The following MIPOL1 variants were observed in gnomAD, a reference collection of about 807,000 sequenced individuals.
MIPOL1 encodes mirror-image polydactyly gene 1 protein.
In MIPOL1, 57 loss-of-function variants were observed where a neutral mutation model predicts 60.9. The observed-to-expected ratio is 0.94, with a 90% CI of 0.76 to 1.17. MIPOL1 has a LOEUF of 1.17. Among genes scored for constraint, MIPOL1 ranks in the 50% most tolerant of loss-of-function variants. The pLI is 0.00. For missense variants in MIPOL1, 551 were observed against 511.6 expected (o/e 1.08, Z -0.74); for synonymous variants, 179 against 168.8 (o/e 1.06, Z -0.47).
At position 37,462,617 on chromosome 14, in the gene MIPOL1, C is replaced by G. The variant is rs146403404; in HGVS notation, c.1032-37291C>G. On this transcript the variant is annotated intron_variant, in intron 11 of 12. Transcript: ENST00000684589. ...GAAACTGAATGCCTTTAACAGCACC[C>G]AAGTCACCTCTGGAATGCTTTGCTG... 9.4e-3 allele frequency among the ~76,000 whole-genome samples: 1,436 copies of G among 152,268 alleles called. 18 individuals carry two copies. The highest frequency in any genetic ancestry group is 0.012 in the Non-Finnish European group (829 of 68,028).
At chr14:37,285,846 C>T (rs1024468654) in intron 7 of MIPOL1, among the ~76,000 whole-genome samples, 1 of 152,068 alleles carries the variant, frequency 6.6e-6, no homozygotes, top group African/African-American at 2.4e-5. Flanking sequence ...CCCACCTTAG[C>T]CTCCCTCAGT....
chr14:37,239,235 C>T (rs1192860296), intron 1 of MIPOL1, among the ~76,000 whole-genome samples: 2 of 151,580 alleles, frequency 1.3e-5, no homozygotes, highest in African/African-American at 4.8e-5. Context: ...TTAGTAGAGA[C>T]GGAGTTTCAC....
intron 11 of MIPOL1, among the ~76,000 whole-genome samples, chr14:37,499,137 A>T (rs2095176372): frequency 6.6e-6 from 1 of 152,106 alleles, no homozygotes; most frequent in Non-Finnish European, 1.5e-5. Flanking sequence ...GTCTTTATTT[A>T]ATTGAGTGAG....
intron 12 of MIPOL1, chr14:37,506,710 C>G (rs1440977131): frequency 6.6e-6 from 1 of 152,100 alleles, no homozygotes; most frequent in Non-Finnish European, 1.5e-5. Context: ...GACTAAAACA[C>G]CAAAAGCAAT....
chr14:37,368,244 T>C lies in MIPOL1; in HGVS notation c.829-1273T>C, dbSNP rs560958090. 2.0e-5 allele frequency among the ~76,000 whole-genome samples: 3 copies of C among 152,220 alleles called. No homozygotes were observed. In the South Asian group the frequency reaches 6.2e-4, roughly 32 times the overall value. Reference sequence around the variant, plus strand: ...GTGTGTTTTGATTTTATAATTGTATTATATATGTATGAAGTGTGTATACTC... The same window carrying C: ...GTGTGTTTTGATTTTATAATTGTATCATATATGTATGAAGTGTGTATACTC... On this transcript the variant is annotated intron_variant, in intron 9 of 12. Coordinates refer to ENST00000684589, the MANE Select transcript of MIPOL1 (RefSeq NM_001388067.1).
intron 9 of MIPOL1, among the ~76,000 whole-genome samples, chr14:37,310,783 GC>G (rs1286291876): frequency 6.6e-6 from 1 of 152,078 alleles, no homozygotes; most frequent in Non-Finnish European, 1.5e-5. Flanking sequence ...ATTTGCAAGG[GC>G]CCGACTCCTG....
intron 9 of MIPOL1, among the ~76,000 whole-genome samples, chr14:37,321,302 T>A (rs532974355): frequency 6.6e-6 from 1 of 152,172 alleles, no homozygotes; most frequent in South Asian, 2.1e-4. Flanking sequence ...TTATTATATA[T>A]GTTGAAATAT....
At chr14:37,378,682 A>T (rs145266219) in intron 10 of MIPOL1, among the ~76,000 whole-genome samples, 1 of 151,544 alleles carries the variant, frequency 6.6e-6, no homozygotes, top group Admixed American at 6.6e-5. Context: ...GAAGGAAGGG[A>T]TGAAAGAAAA....
intron 10 of MIPOL1, among the ~76,000 whole-genome samples, chr14:37,411,830 G>A (rs1595661488): frequency 6.6e-6 from 1 of 151,902 alleles, no homozygotes; most frequent in African/African-American, 2.4e-5. Context: ...CACCTTATTC[G>A]CCTATCACTT....
rs376574309 is a variant in MIPOL1, at chr14:37,279,041, A to C, written c.494-6277A>C. On this transcript the variant is annotated intron_variant, in intron 6 of 12. Transcript: ENST00000684589. ...CCGTGTTTAAAAATGGAGATATCCA[A>C]ATATTATTGTAAACACCCAATGATT... Among the ~76,000 whole-genome samples the C allele has an allele frequency of 2.9e-3, 434 of 151,726 alleles. 4 individuals are homozygous for C. Among genetic ancestry groups the C allele is most frequent in the African/African-American group, 9.8e-3 (405 of 41,436 alleles).
At chr14:37,327,331 A>G (rs1047390904) in intron 9 of MIPOL1, among the ~76,000 whole-genome samples, 1 of 152,014 alleles carries the variant, frequency 6.6e-6, no homozygotes, top group Non-Finnish European at 1.5e-5. Context: ...TCTGTTGCCC[A>G]GGCTTGAGTG....
rs1423507125 is a variant in MIPOL1 at position 37,351,601 on chromosome 14, C to G, written c.829-17916C>G. Among the ~76,000 whole-genome samples, 9 of 144,144 alleles carry G rather than the reference C, an allele frequency of 6.2e-5. No homozygotes were observed. The South Asian group carries it at 1.9e-3, about 31-fold the overall frequency. The allele number at this position is 144,144 out of a possible 152,430, so 94.6% of individuals were successfully genotyped here. ...TCCTGACTTTTTAATGATTGCCATT[C>G]TAACTGGTGTGAGATGGTATCTCAT... On this transcript the variant is annotated intron_variant, in intron 9 of 12. Coordinates refer to ENST00000684589, the MANE Select transcript of MIPOL1 (RefSeq NM_001388067.1).
chr14:37,347,365 A>C lies in MIPOL1; in HGVS notation c.829-22152A>C, dbSNP rs111450966. Among the ~76,000 whole-genome samples the C allele has an allele frequency of 7.4e-3, 1,133 of 152,328 alleles. 15 individuals are homozygous for C. The highest frequency in any genetic ancestry group is 0.025 in the African/African-American group (1,060 of 41,584). On this transcript the variant is annotated intron_variant, in intron 9 of 12. Transcript: ENST00000684589. ...ACTATAATCACTGAAATTAAAAAAT[A>C]TGTGAATAAATGAAGAGTAGATACG...
chr14:37,319,015 A>G (rs185113434), intron 9 of MIPOL1, among the ~76,000 whole-genome samples: 50 of 151,852 alleles, frequency 3.3e-4, no homozygotes, highest in Admixed American at 1.8e-3. Context: ...ATTTTTTTGT[A>G]TTTTTTGTAG....
At chr14:37,357,114 G>C (rs1304153606) in intron 9 of MIPOL1, among the ~76,000 whole-genome samples, 1 of 152,160 alleles carries the variant, frequency 6.6e-6, no homozygotes, top group Non-Finnish European at 1.5e-5. Flanking sequence ...TTTCTTTGGA[G>C]TATATACCCA....
At chr14:37,273,607 G>T (rs1427010267) in intron 6 of MIPOL1, among the ~76,000 whole-genome samples, 1 of 151,230 alleles carries the variant, frequency 6.6e-6, no homozygotes, top group East Asian at 1.9e-4. Flanking sequence ...TAATTTAGAA[G>T]AATCTGGTAC....
At chr14:37,414,518 A>T (rs2093731405) in intron 10 of MIPOL1, among the ~76,000 whole-genome samples, 1 of 152,142 alleles carries the variant, frequency 6.6e-6, no homozygotes, top group Non-Finnish European at 1.5e-5. Context: ...TTCTCTCATT[A>T]CTTCAAATAT....
rs1402412725 is a variant in MIPOL1 at position 37,550,793 on chromosome 14, A to G, written c.*3822A>G. ...GAGCTTGCACATTTAAACCAGCAGC[A>G]TACGTTCCAGAAGAGCATCTCAAGT... On this transcript the variant is annotated 3_prime_UTR_variant, in exon 13 of 13. Coordinates refer to ENST00000684589, the MANE Select transcript of MIPOL1 (RefSeq NM_001388067.1). The G allele has an allele frequency of 6.6e-6, 1 of 152,612 alleles. No homozygotes were observed. Among genetic ancestry groups the G allele is most frequent in the African/African-American group, 2.4e-5 (1 of 41,470 alleles). 9.5% of individuals were successfully genotyped at this position (152,612 alleles called of 1,614,324 possible).
At chr14:37,448,676 G>T (rs1306563760) in intron 11 of MIPOL1, among the ~76,000 whole-genome samples, 1 of 152,106 alleles carries the variant, frequency 6.6e-6, no homozygotes, top group Non-Finnish European at 1.5e-5. Context: ...TTGCTGTGCT[G>T]TTGTCTTTTA....
Sources: allele counts gnomAD v4.1 joint callset (sites outside exome capture counted in the v4.1 genomes callset), GRCh38; gene constraint gnomAD v4.1.1; transcripts MANE v1.5; gene names NCBI Gene and HGNC (gene_info 2026-07-23, HGNC 2026-07-21).